ELAPOR1: variants seen among roughly 807,000 people sequenced by gnomAD.
The protein encoded by ELAPOR1 is endosome-lysosome associated apoptosis and autophagy regulator 1.
Under a neutral mutation model 119.7 loss-of-function variants are expected in ELAPOR1, and 77 were observed. That is an observed-to-expected ratio of 0.64 (90% CI 0.54 to 0.78). The LOEUF (loss-of-function observed/expected upper bound fraction) is 0.78. ELAPOR1 is among the 30% of genes least tolerant of loss of function. ELAPOR1 has a pLI of 0.00. For synonymous variants in ELAPOR1, 481 were observed against 487.2 expected, an observed-to-expected ratio of 0.99 and a Z score of 0.17; for missense variants, 1,115 against 1,270.4, an observed-to-expected ratio of 0.88 and a Z score of 1.86.
Position 109,144,061 on chromosome 1 carries a change from A to ATATATATATT in ELAPOR1, c.154-17832_154-17831insATATATATTT. Among the ~76,000 whole-genome samples, 369 of 88,900 alleles carry ATATATATATT rather than the reference A, an allele frequency of 4.2e-3. 18 individuals are homozygous for ATATATATATT. The highest frequency in any genetic ancestry group is 5.7e-3 in the Non-Finnish European group (269 of 47,342). 58.3% of individuals were successfully genotyped at this position (88,900 alleles called of 152,430 possible). On this transcript the variant is annotated intron_variant, in intron 1 of 21. Transcript: ENST00000369939. ...TATATATATATATATATATTTATAT[A>ATATATATATT]TTTTTTTTTTTTTTTGAGATGGAGT...
intron 1 of ELAPOR1, among the ~76,000 whole-genome samples, chr1:109,132,246 CA>C (rs2100981980): frequency 6.6e-6 from 1 of 152,150 alleles, no homozygotes; most frequent in Non-Finnish European, 1.5e-5. Flanking sequence ...CTCCTGGGCT[CA>C]AGCAATTCTC....
At position 109,158,404 on chromosome 1, in the gene ELAPOR1, C is replaced by G. The variant is rs150312105; in HGVS notation, c.154-3490C>G. Among the ~76,000 whole-genome samples, 697 of 149,196 alleles carry G rather than the reference C, an allele frequency of 4.7e-3. 6 individuals are homozygous for G. The highest frequency in any genetic ancestry group is 0.017 in the African/African-American group (668 of 40,370). ...TGAGTCTGAGTGAATTCTTCTAGAA[C>G]TGAAAGATCAGTGTTACCGACAGAT... On this transcript the variant is annotated intron_variant, in intron 1 of 21. Transcript: ENST00000369939.
At chr1:109,162,862 C>G (rs1651347233) in intron 2 of ELAPOR1, among the ~76,000 whole-genome samples, 1 of 152,188 alleles carries the variant, frequency 6.6e-6, no homozygotes, top group South Asian at 2.1e-4. Context: ...TCAGTGAGTC[C>G]CACTATGTGT....
At chr1:109,119,105 C>T (rs557248869) in intron 1 of ELAPOR1, among the ~76,000 whole-genome samples, 49 of 152,132 alleles carry the variant, frequency 3.2e-4, no homozygotes, top group South Asian at 1.9e-3. Context: ...TCATGTTGGC[C>T]AGGCTGGTCT....
At chr1:109,166,912 A>C (rs1432940909) in intron 3 of ELAPOR1, among the ~76,000 whole-genome samples, 1 of 152,304 alleles carries the variant, frequency 6.6e-6, no homozygotes, top group East Asian at 1.9e-4. Flanking sequence ...ATTTCTAAAA[A>C]CCGGGAGCAA....
chr1:109,164,987 A>C (rs1043397902), intron 3 of ELAPOR1, among the ~76,000 whole-genome samples: 2 of 152,160 alleles, frequency 1.3e-5, no homozygotes, highest in Admixed American at 6.6e-5. Context: ...GGCCCAGTCT[A>C]TTTAAAACAA....
At chr1:109,197,367 T>C in intron 15 of ELAPOR1, 107 bp from the exon 16 acceptor site, 2 of 905,162 alleles carry the variant, frequency 2.2e-6, no homozygotes, top group Non-Finnish European at 1.7e-6. Flanking sequence ...AACATACCAT[T>C]GAAACGCTGA....
At position 109,199,909 on chromosome 1, in the gene ELAPOR1, G is replaced by C; in HGVS notation, c.2557G>C (p.Ala853Pro). The change falls in exon 19 of 22, where the codon GCG becomes CCG. Residue 853 changes from alanine (A) to proline (P), a missense_variant. Transcript: ENST00000369939. ...CAACTTCCACTTCCTGTGGGAGAGC[G>C]CGGCTGCTTGCCCGCTCTGCTCAGT... The part of the protein sequence containing the change: ...GCNFHFLWES[A>P]AACPLCSVAD... 6.2e-7 allele frequency: 1 copy of C among 1,613,870 alleles called. No individual in the cohort carries two copies. The highest frequency in any genetic ancestry group is 8.5e-7 in the Non-Finnish European group (1 of 1,180,040).
chr1:109,154,645 G>C (rs907994963), intron 1 of ELAPOR1, among the ~76,000 whole-genome samples: 2 of 152,200 alleles, frequency 1.3e-5, no homozygotes, highest in African/African-American at 4.8e-5. Flanking sequence ...TGGCCAGCTG[G>C]GCTGGAGAAG....
rs572185894 is a variant in ELAPOR1 at position 109,123,905 on chromosome 1, C to T, written c.153+9569C>T. Among the ~76,000 whole-genome samples the T allele has an allele frequency of 7.9e-5, 12 of 152,132 alleles. No homozygotes were observed. The South Asian group carries it at 2.3e-3, about 29-fold the overall frequency. ...GCAACCTCCATCTCCTGGGTTCAAG[C>T]GATTCTCCTGCCTCAGCCTCCCAAG... On this transcript the variant is annotated intron_variant, in intron 1 of 21. Coordinates refer to ENST00000369939, the MANE Select transcript of ELAPOR1 (RefSeq NM_020775.5).
chr1:109,184,780 C>T (rs1652944077), intron 7 of ELAPOR1, among the ~76,000 whole-genome samples: 2 of 152,204 alleles, frequency 1.3e-5, no homozygotes, highest in African/African-American at 4.8e-5. Context: ...CCTCCCTTGC[C>T]CCATGGGGCG....
chr1:109,197,437 ACTT>A (rs1342318321), intron 15 of ELAPOR1, 34 bp from the exon 16 acceptor site: 3 of 1,590,578 alleles, frequency 1.9e-6, no homozygotes, highest in Non-Finnish European at 2.6e-6. Context: ...GTGACCACTC[ACTT>A]CTTCCTACTT....
chr1:109,201,469 G>T, intron 21 of ELAPOR1: 1 of 419,600 alleles, frequency 2.4e-6, no homozygotes, highest in South Asian at 1.7e-5. Context: ...ACTGGGTGTG[G>T]GGCCAGCAGA....
chr1:109,154,110 C>T (rs1022768369), intron 1 of ELAPOR1, among the ~76,000 whole-genome samples: 44 of 151,124 alleles, frequency 2.9e-4, no homozygotes, highest in African/African-American at 1.0e-3. Flanking sequence ...GGAGAAACCC[C>T]GTCTCTACTA....
chr1:109,185,457 T>C (rs74113786), intron 8 of ELAPOR1, among the ~76,000 whole-genome samples: 21,900 of 152,128 alleles, frequency 0.14, 1,859 homozygotes, highest in Middle Eastern at 0.22. Context: ...CCGTACACAA[T>C]GTCCTCCCGG....
intron 1 of ELAPOR1, among the ~76,000 whole-genome samples, chr1:109,144,983 C>A (rs1056488440): frequency 1.3e-5 from 2 of 152,022 alleles, no homozygotes; most frequent in African/African-American, 4.8e-5. Context: ...TTTGTTATGG[C>A]TTAAATAGGT....
intron 1 of ELAPOR1, among the ~76,000 whole-genome samples, chr1:109,118,535 A>G (rs1322263476): frequency 6.6e-6 from 1 of 152,174 alleles, no homozygotes; most frequent in Admixed American, 6.5e-5. Flanking sequence ...TACTGAAGTC[A>G]AGGAGGAGGT....
In ELAPOR1 at chr1:109,114,191, A is replaced by C. The variant is rs1400754591; in HGVS notation, c.8A>C (p.Glu3Ala). Residue 3 changes from glutamate (E) to alanine (A), a missense_variant, in exon 1 of 22, where the codon GAG becomes GCG. Physicochemically the swap from Glu to Ala is moderately radical, Grantham distance 107. Transcript: ENST00000369939. ...CTCACTCAGGACAACGCTATGGCTG[A>C]GCCTGGGCACAGCCACCATCTCTCC... is the stretch of plus-strand genomic sequence containing the variant. MA[E>A]PGHSHHLSAR... is the part of the protein sequence containing the mutation. 4 of 1,599,874 alleles carry C rather than the reference A, an allele frequency of 2.5e-6. No individual in the cohort carries two copies. Among genetic ancestry groups the C allele is most frequent in the South Asian group, 2.2e-5 (2 of 89,066 alleles).
intron 1 of ELAPOR1, among the ~76,000 whole-genome samples, chr1:109,148,127 G>A (rs1202575089): frequency 4.0e-5 from 6 of 150,704 alleles, no homozygotes; most frequent in Admixed American, 6.6e-5. Flanking sequence ...GTGAGCCACC[G>A]CACCTGGCCT....
Sources: gnomAD v4.1 joint callset for allele counts (sites outside exome capture counted in the v4.1 genomes callset) on GRCh38, gnomAD v4.1.1 for gene constraint, MANE v1.5 for transcripts, NCBI Gene and HGNC (gene_info 2026-07-23, HGNC 2026-07-21) for gene names.